Variants in PPP2R1A observed in about 807,000 individuals in gnomAD.
PPP2R1A encodes the protein protein phosphatase 2 scaffold subunit Aalpha.
PPP2R1A carries 15 observed loss-of-function variants against 67.1 expected under a neutral mutation model. The ratio of observed to expected loss-of-function variants is 0.22; its 90% CI spans 0.15 to 0.34. The LOEUF is 0.34. Ranked by LOEUF, PPP2R1A falls within the 10% of genes least tolerant of loss-of-function variation. PPP2R1A has a pLI of 1.00. For missense variants in PPP2R1A, 369 were observed against 775.0 expected (o/e 0.48, Z 6.22); for synonymous variants, 337 against 325.0 (o/e 1.04, Z -0.40).
intron 12 of PPP2R1A, 40 bp downstream of exon 12, chr19:52,221,173 C>T (rs1304972596): frequency 6.2e-7 from 1 of 1,612,530 alleles, no homozygotes; most frequent in Non-Finnish European, 8.5e-7. Flanking sequence ...CCCTAGGGAA[C>T]TGGAGCGCGT....
chr19:52,220,131 G>C (rs367742178), intron 10 of PPP2R1A, 58 bp from the exon 11 acceptor site: 1 of 1,563,210 alleles, frequency 6.4e-7, no homozygotes, highest in African/African-American at 1.4e-5. Flanking sequence ...GTGGCTAGCA[G>C]CTCCCCCTGT....
intron 1 of PPP2R1A, among the ~76,000 whole-genome samples, chr19:52,194,763 G>A (rs1051925073): frequency 3.9e-5 from 6 of 152,148 alleles, no homozygotes; most frequent in African/African-American, 9.7e-5. Flanking sequence ...GCAAAATGGG[G>A]ATAATGATGA....
intron 1 of PPP2R1A, among the ~76,000 whole-genome samples, chr19:52,198,044 C>T (rs113853902): frequency 0.033 from 5,075 of 152,318 alleles, 113 homozygotes; most frequent in Middle Eastern, 0.075. Flanking sequence ...GTGGTTGCCA[C>T]GGCTGCCATT....
chr19:52,209,531 A>T (rs1484305752), intron 3 of PPP2R1A, among the ~76,000 whole-genome samples: 1 of 152,252 alleles, frequency 6.6e-6, no homozygotes, highest in South Asian at 2.1e-4. Context: ...AAATATACAT[A>T]GAATGTGCTA....
rs910264559 is a variant in PPP2R1A, at chr19:52,219,666, C to T, written c.1129-25C>T. The stretch of plus-strand genomic sequence containing the variant: ...GGTTGCTGTGTGCATTGCATTCTCT[C>T]AGAATCCTTCTTTCCTCTCCTCAGT... On this transcript the variant is annotated intron_variant, in intron 9 of 14. Transcript: ENST00000322088. This position sits in a 1 kb window ranked among gnomAD's most constrained non-coding sequence, Gnocchi z 4.0. 7.5e-6 allele frequency: 12 copies of T among 1,594,164 alleles called. No homozygotes were observed. The highest frequency in any genetic ancestry group is 1.0e-5 in the Non-Finnish European group (12 of 1,166,106).
intron 1 of PPP2R1A, among the ~76,000 whole-genome samples, chr19:52,197,580 C>G (rs991600281): frequency 1.3e-5 from 2 of 152,068 alleles, no homozygotes; most frequent in African/African-American, 4.8e-5. Flanking sequence ...GTAGCTGAGG[C>G]GGGAGAATCA....
chr19:52,208,864 C>T (rs1477801639), intron 3 of PPP2R1A, among the ~76,000 whole-genome samples: 1 of 152,158 alleles, frequency 6.6e-6, no homozygotes, highest in Non-Finnish European at 1.5e-5. Context: ...GGACCCTCTT[C>T]TTATAAAAGT....
At chr19:52,220,048 G>A in intron 10 of PPP2R1A, 141 bp from the exon 11 acceptor site, 1 of 1,204,538 alleles carries the variant, frequency 8.3e-7, no homozygotes, top group Non-Finnish European at 1.2e-6. Flanking sequence ...TAAGAGAGAG[G>A]AGGGAAAGGA....
intron 1 of PPP2R1A, among the ~76,000 whole-genome samples, chr19:52,194,061 G>C (rs748861418): frequency 7.5e-6 from 1 of 133,388 alleles, no homozygotes; most frequent in African/African-American, 2.8e-5. Flanking sequence ...TGCGGTGAGA[G>C]CCTGGGCGAC....
chr19:52,202,907 G>C (rs942158874), intron 2 of PPP2R1A, among the ~76,000 whole-genome samples: 19 of 152,222 alleles, frequency 1.2e-4, no homozygotes, highest in African/African-American at 4.6e-4. Context: ...CTGCCAGGCT[G>C]TTACTAAGCA....
In PPP2R1A at chr19:52,215,682, C is replaced by T. The variant is rs551803232; in HGVS notation, c.808-97C>T. 11 of 968,714 alleles carry T rather than the reference C, an allele frequency of 1.1e-5. No homozygotes were observed. In the South Asian group the frequency reaches 1.4e-4, roughly 12 times the overall value. 60.0% of individuals were successfully genotyped at this position (968,714 alleles called of 1,614,324 possible). Reference sequence around the variant, plus strand: ...ACTGCTTCCAAGGCCCACGCTCTGTCCCCTAATTCTGGTGCCTTCACTTTG... The same window carrying T: ...ACTGCTTCCAAGGCCCACGCTCTGTTCCCTAATTCTGGTGCCTTCACTTTG... On this transcript the variant is annotated intron_variant, in intron 6 of 14. Transcript: ENST00000322088.
At chr19:52,198,616 C>T (rs2089519088) in intron 1 of PPP2R1A, among the ~76,000 whole-genome samples, 1 of 152,204 alleles carries the variant, frequency 6.6e-6, no homozygotes, top group South Asian at 2.1e-4. Flanking sequence ...GGATGCCACC[C>T]TCCAAGAATG....
chr19:52,197,594 G>A (rs1343280479), intron 1 of PPP2R1A, among the ~76,000 whole-genome samples: 3 of 152,148 alleles, frequency 2.0e-5, no homozygotes, highest in Admixed American at 1.3e-4. Context: ...AGAATCACTT[G>A]AGCCCGGGAG....
rs1438693790 is a variant in PPP2R1A, at chr19:52,227,008, C to G, written c.*1027C>G. The G allele has an allele frequency of 6.6e-6, 1 of 152,062 alleles. No homozygotes were observed. The highest frequency in any genetic ancestry group is 1.5e-5 in the Non-Finnish European group (1 of 68,028). The allele number at this position is 152,062 out of a possible 1,614,324, so 9.4% of individuals were successfully genotyped here. On this transcript the variant is annotated 3_prime_UTR_variant, in exon 15 of 15. Transcript: ENST00000322088. Reference sequence around the variant, plus strand: ...AGGTCTCAGAGTAATCAGGACGGTACTAGGGAGAGAACTGTGGCAAGATAG... The same window carrying G: ...AGGTCTCAGAGTAATCAGGACGGTAGTAGGGAGAGAACTGTGGCAAGATAG...
rs377275973 is a variant in PPP2R1A, at chr19:52,213,239, T to A, written c.807+129T>A. On this transcript the variant is annotated intron_variant, in intron 6 of 14. Coordinates refer to ENST00000322088, the MANE Select transcript of PPP2R1A (RefSeq NM_014225.6). This position sits in a 1 kb window ranked among gnomAD's most constrained non-coding sequence, Gnocchi z 4.2. ...GGGCGTTTGAGCAATAAGATCTCTA[T>A]GATCATCTAACTGCGTCTCGCTTCG... The A allele has an allele frequency of 1.7e-5, 20 of 1,192,100 alleles. No homozygotes were observed. The highest frequency in any genetic ancestry group is 8.9e-6 in the Non-Finnish European group (8 of 894,828). The allele number at this position is 1,192,100 out of a possible 1,614,324, so 73.8% of individuals were successfully genotyped here. A position where few individuals can be genotyped will look rare whatever the true frequency, so the allele number is the denominator to read the frequency against.
chr19:52,222,369 T>C, intron 13 of PPP2R1A, 128 bp downstream of exon 13: 1 of 1,329,096 alleles, frequency 7.5e-7, no homozygotes, highest in Admixed American at 3.2e-5. Context: ...TGACCTTGGC[T>C]CCCTTCCCTT....
intron 1 of PPP2R1A, among the ~76,000 whole-genome samples, chr19:52,191,590 G>A (rs549487837): frequency 2.0e-5 from 3 of 152,138 alleles, no homozygotes; most frequent in African/African-American, 7.2e-5. Flanking sequence ...TGGCATACAG[G>A]TTGTGGTTGT....
At chr19:52,210,728 G>A (rs1323731840) in intron 3 of PPP2R1A, among the ~76,000 whole-genome samples, 1 of 152,028 alleles carries the variant, frequency 6.6e-6, no homozygotes, top group Non-Finnish European at 1.5e-5. Context: ...TCCTGACCTC[G>A]TGATCCACCC....
chr19:52,226,897 G>C lies in PPP2R1A; in HGVS notation c.*916G>C, dbSNP rs1979299753. ...TGAGAAGTACACAACATGAGAAGCA[G>C]AGTTAGCTGTACATTGCCAGAGAAC... is the stretch of plus-strand genomic sequence containing the variant. On this transcript the variant is annotated 3_prime_UTR_variant, in exon 15 of 15. Transcript: ENST00000322088. The C allele has an allele frequency of 6.6e-6, 1 of 152,188 alleles. No homozygotes were observed. Among genetic ancestry groups the C allele is most frequent in the African/African-American group, 2.4e-5 (1 of 41,444 alleles). The allele number at this position is 152,188 out of a possible 1,614,324, so 9.4% of individuals were successfully genotyped here. A position where few individuals can be genotyped will look rare whatever the true frequency, so the allele number is the denominator to read the frequency against.
Sources: gnomAD v4.1 joint callset for allele counts (sites outside exome capture counted in the v4.1 genomes callset) on GRCh38, gnomAD v4.1.1 for gene constraint, Gnocchi (gnomAD v3.1) non-coding constraint, MANE v1.5 for transcripts, NCBI Gene and HGNC (gene_info 2026-07-23, HGNC 2026-07-21) for gene names.